MAPKAPK3: variants seen among roughly 807,000 people sequenced by gnomAD.
MAPKAPK3 encodes MAPK activated protein kinase 3, also known as MAP kinase-activated protein kinase 3.
In MAPKAPK3, 35 loss-of-function variants were observed where a neutral mutation model predicts 49.2. That is an observed-to-expected ratio of 0.71 (90% confidence interval 0.54 to 0.94). The LOEUF (loss-of-function observed/expected upper bound fraction) is 0.94, where lower values mean the gene tolerates loss of function less well. MAPKAPK3 is among the 40% of genes least tolerant of loss of function. The pLI is 0.00. For synonymous variants in MAPKAPK3, 178 were observed against 188.7 expected, an observed-to-expected ratio of 0.94 and a Z score of 0.46; for missense variants, 398 against 493.1, an observed-to-expected ratio of 0.81 and a Z score of 1.83.
chr3:50,618,485 CA>C (rs1462383361), intron 2 of MAPKAPK3, among the ~76,000 whole-genome samples: 1 of 151,442 alleles, frequency 6.6e-6, no homozygotes, highest in Non-Finnish European at 1.5e-5. Context: ...TGGTGGGGGT[CA>C]GGGGGATGCT....
In MAPKAPK3 at chr3:50,635,949, A is replaced by C. The variant is rs57279489; in HGVS notation, c.220-4417A>C. ...AAAAAAAAAAAAAAAAAAAAAAACCAAAAAAAAAAAAAATTAGCCAGGTGT... is the reference window on the plus strand; with the variant it reads ...AAAAAAAAAAAAAAAAAAAAAAACCCAAAAAAAAAAAAATTAGCCAGGTGT... On this transcript the variant is annotated intron_variant, in intron 2 of 10. Transcript: ENST00000621469. Among the ~76,000 whole-genome samples, 1,139 of 123,084 alleles carry C rather than the reference A, an allele frequency of 9.3e-3. 35 individuals carry two copies. Among genetic ancestry groups the C allele is most frequent in the East Asian group, 0.062 (186 of 2,998 alleles). The allele number at this position is 123,084 out of a possible 152,430, so 80.7% of individuals were successfully genotyped here. A position where few individuals can be genotyped will look rare whatever the true frequency, so the allele number is the denominator to read the frequency against.
At chr3:50,647,282 G>A in intron 10 of MAPKAPK3, 79 bp downstream of exon 10, 3 of 1,236,254 alleles carry the variant, frequency 2.4e-6, no homozygotes, top group Non-Finnish European at 2.3e-6. Context: ...GCTACCCAGG[G>A]TCTGGGGTCT....
chr3:50,642,163 G>A, intron 4 of MAPKAPK3, 90 bp from the exon 5 acceptor site: 1 of 853,526 alleles, frequency 1.2e-6, no homozygotes, highest in East Asian at 2.4e-5. Flanking sequence ...GTCTTGTGCT[G>A]GCCTGTTAGA....
intron 6 of MAPKAPK3, among the ~76,000 whole-genome samples, chr3:50,644,996 G>T (rs1014784856): frequency 6.6e-6 from 1 of 152,138 alleles, no homozygotes; most frequent in African/African-American, 2.4e-5. Context: ...ACATACTCAT[G>T]CTTCCTGGAA....
Position 50,647,127 on chromosome 3 carries a change from C to G in MAPKAPK3, c.920C>G (p.Ser307Trp). Residue 307 changes from serine to tryptophan, a missense_variant, in exon 10 of 11, where the codon TCG becomes TGG. By Grantham distance (177) the Ser-to-Trp change is radical (BLOSUM62 -3). Transcript: ENST00000621469. Reference protein sequence around the residue: ...QFMNHPWINQSMVVPQTPLHT... With the variant: ...QFMNHPWINQWMVVPQTPLHT... ...CGGGCGTGGGGCTCCTTCCAGCAAT[C>G]GATGGTAGTGCCACAGACCCCACTC... 1.3e-6 allele frequency: 2 copies of G among 1,581,444 alleles called. No individual in the cohort carries two copies. Among genetic ancestry groups the G allele is most frequent in the Non-Finnish European group, 1.7e-6 (2 of 1,163,334 alleles).
intron 2 of MAPKAPK3, among the ~76,000 whole-genome samples, chr3:50,639,909 A>G (rs1486412883): frequency 2.0e-5 from 3 of 152,238 alleles, no homozygotes; most frequent in African/African-American, 4.8e-5. Flanking sequence ...ACCAGGTGCT[A>G]TCCTGTACAA....
intron 7 of MAPKAPK3, 77 bp downstream of exon 7, chr3:50,645,862 C>G: frequency 7.7e-7 from 1 of 1,302,748 alleles, no homozygotes; most frequent in South Asian, 1.2e-5. Flanking sequence ...ACTTCTGTCC[C>G]CCCACCCCCA....
chr3:50,646,296 A>T, intron 8 of MAPKAPK3, 32 bp downstream of exon 8: 2 of 1,612,370 alleles, frequency 1.2e-6, no homozygotes, highest in Non-Finnish European at 1.7e-6. Context: ...AGCCTGACTC[A>T]CCTGGCCCCT....
At chr3:50,639,980 T>C (rs2033138745) in intron 2 of MAPKAPK3, among the ~76,000 whole-genome samples, 2 of 152,148 alleles carry the variant, frequency 1.3e-5, no homozygotes, top group South Asian at 4.1e-4. Flanking sequence ...ATCCTTATGG[T>C]AAAAATGAGG....
At chr3:50,642,373 ATATT>A in intron 5 of MAPKAPK3, 41 bp downstream of exon 5, 2 of 1,466,426 alleles carry the variant, frequency 1.4e-6, no homozygotes, top group Non-Finnish European at 1.9e-6. Flanking sequence ...GGGGAAGAGG[ATATT>A]GTCCCACTCC....
intron 3 of MAPKAPK3, 102 bp from the exon 4 acceptor site, chr3:50,641,605 G>T: frequency 1.1e-6 from 1 of 900,924 alleles, no homozygotes; most frequent in East Asian, 2.5e-5. Context: ...GGGGAGGAGC[G>T]GAGCAGCAGG....
intron 5 of MAPKAPK3, among the ~76,000 whole-genome samples, chr3:50,642,789 A>C (rs151201401): frequency 8.4e-4 from 128 of 152,276 alleles, no homozygotes; most frequent in African/African-American, 3.0e-3. Context: ...TTTTGTGTGG[A>C]TGCAATGTGC....
chr3:50,630,829 C>T (rs556000207), intron 2 of MAPKAPK3, among the ~76,000 whole-genome samples: 51 of 152,362 alleles, frequency 3.3e-4, no homozygotes, highest in African/African-American at 1.2e-3. Flanking sequence ...CCCAGAAGGA[C>T]ATTTCCCCAC....
intron 5 of MAPKAPK3, among the ~76,000 whole-genome samples, chr3:50,643,181 T>C (rs565677854): frequency 6.6e-6 from 1 of 152,290 alleles, no homozygotes; most frequent in African/African-American, 2.4e-5. Context: ...GTCACAGCCA[T>C]AGCTTTGACA....
At chr3:50,646,699 C>CTGGGGTG in intron 8 of MAPKAPK3, 41 bp from the exon 9 acceptor site, 3 of 1,570,606 alleles carry the variant, frequency 1.9e-6, no homozygotes, top group Non-Finnish European at 2.6e-6. Context: ...GGGGCTGGCT[C>CTGGGGTG]TGCAATCTCA....
chr3:50,625,374 G>A (rs1349971848), intron 2 of MAPKAPK3, among the ~76,000 whole-genome samples: 1 of 152,136 alleles, frequency 6.6e-6, no homozygotes, highest in Non-Finnish European at 1.5e-5. Flanking sequence ...ATGGCGTGAA[G>A]GGAGCTCTGG....
chr3:50,647,090 G>C (rs2033317933), intron 9 of MAPKAPK3, 33 bp from the exon 10 acceptor site: 1 of 1,542,608 alleles, frequency 6.5e-7, no homozygotes. Flanking sequence ...GGTGCCTCCA[G>C]TTTCTAATCC....
At chr3:50,618,065 C>T (rs1483198043) in intron 2 of MAPKAPK3, among the ~76,000 whole-genome samples, 1 of 152,202 alleles carries the variant, frequency 6.6e-6, no homozygotes, top group Non-Finnish European at 1.5e-5. Flanking sequence ...ACTCCTGACT[C>T]TGGGATTCTG....
At chr3:50,631,813 T>G (rs1274268690) in intron 2 of MAPKAPK3, among the ~76,000 whole-genome samples, 3 of 152,216 alleles carry the variant, frequency 2.0e-5, no homozygotes, top group Non-Finnish European at 4.4e-5. Context: ...AACCTAAATT[T>G]CCCTACAACA....
Sources: gnomAD v4.1 joint callset for allele counts (sites outside exome capture counted in the v4.1 genomes callset) on GRCh38, gnomAD v4.1.1 for gene constraint, MANE v1.5 for transcripts, NCBI Gene and HGNC (gene_info 2026-07-23, HGNC 2026-07-21) for gene names.